Variants in NOX4 observed in about 807,000 individuals in gnomAD.
NOX4 encodes kidney oxidase-1.
NOX4 carries 69 observed loss-of-function variants against 87.6 expected under a neutral mutation model. The ratio of observed to expected loss-of-function variants is 0.79; its 90% confidence interval spans 0.65 to 0.96. The LOEUF (loss-of-function observed/expected upper bound fraction) is 0.96, where lower values mean the gene tolerates loss of function less well. NOX4 is among the 40% of genes least tolerant of loss of function. NOX4 has a pLI of 0.00. For synonymous variants in NOX4, 275 were observed against 238.2 expected (o/e 1.15, Z -1.42); for missense variants, 680 against 681.5 (o/e 1.00, Z 0.02).
At chr11:89,352,250 C>CA (rs898041784) in intron 13 of NOX4, among the ~76,000 whole-genome samples, 1 of 152,136 alleles carries the variant, frequency 6.6e-6, no homozygotes, top group African/African-American at 2.4e-5. Context: ...ATACGTACCA[C>CA]AAAAATTTAT....
At chr11:89,579,364 G>A in the NOX4 span, among the ~76,000 whole-genome samples, 2 of 152,106 alleles carry the variant, frequency 1.3e-5, no homozygotes, top group Non-Finnish European at 2.9e-5. Flanking sequence ...TACCACTCTG[G>A]TGGGGGATGT....
At chr11:89,340,231 C>T (rs1182275110) in intron 14 of NOX4, 60 bp from the exon 15 acceptor site, 12 of 1,121,898 alleles carry the variant, frequency 1.1e-5, no homozygotes, top group South Asian at 2.7e-5. Context: ...TTAAAGAATT[C>T]GTATATTTTT....
chr11:89,393,961 A>T (rs1259637091), intron 11 of NOX4, among the ~76,000 whole-genome samples: 1 of 152,086 alleles, frequency 6.6e-6, no homozygotes, highest in Non-Finnish European at 1.5e-5. Flanking sequence ...CTGTACCTAC[A>T]TTCACTTCTC....
At chr11:89,418,365 G>T (rs1468739749) in intron 8 of NOX4, among the ~76,000 whole-genome samples, 1 of 150,638 alleles carries the variant, frequency 6.6e-6, no homozygotes, top group African/African-American at 2.4e-5. Flanking sequence ...CTACTTACTA[G>T]CCATGGCCCT....
intron 6 of NOX4, among the ~76,000 whole-genome samples, chr11:89,433,437 G>T (rs577257124): frequency 3.9e-5 from 6 of 151,934 alleles, no homozygotes; most frequent in African/African-American, 1.5e-4. Flanking sequence ...ACAGGACAGG[G>T]TTAACTTTCA....
At chr11:89,399,201 A>T (rs1295405145) in intron 11 of NOX4, among the ~76,000 whole-genome samples, 8 of 151,118 alleles carry the variant, frequency 5.3e-5, no homozygotes, top group Non-Finnish European at 8.8e-5. Flanking sequence ...ATGCCCTCCC[A>T]TGCCATTATT....
intron 11 of NOX4, among the ~76,000 whole-genome samples, chr11:89,386,872 T>TG (rs1031172714): frequency 3.9e-5 from 6 of 152,166 alleles, no homozygotes; most frequent in African/African-American, 1.4e-4. Flanking sequence ...CTTTAATACT[T>TG]GTTTTTCTCC....
intron 13 of NOX4, among the ~76,000 whole-genome samples, chr11:89,353,309 C>T (rs1230415288): frequency 6.6e-6 from 1 of 152,084 alleles, no homozygotes; most frequent in Non-Finnish European, 1.5e-5. Flanking sequence ...ATGCAGCAAA[C>T]TTCATGGTTT....
intron 2 of NOX4, among the ~76,000 whole-genome samples, chr11:89,453,541 A>T (rs1945058234): frequency 6.6e-6 from 1 of 152,246 alleles, no homozygotes; most frequent in South Asian, 2.1e-4. Flanking sequence ...ATACTAAAAC[A>T]AATGAAGAAC....
At chr11:89,567,595 G>T in the NOX4 span, among the ~76,000 whole-genome samples, 4 of 152,200 alleles carry the variant, frequency 2.6e-5, no homozygotes, top group African/African-American at 9.7e-5. Flanking sequence ...GAGAGAATGA[G>T]TGCAGAGGGA....
the NOX4 span, among the ~76,000 whole-genome samples, chr11:89,573,313 G>T: frequency 2.6e-5 from 4 of 152,182 alleles, no homozygotes; most frequent in African/African-American, 9.6e-5. Context: ...TGAGGCAGCA[G>T]ATCACAAGCT....
At chr11:89,475,403 T>C (rs537547569) in intron 2 of NOX4, among the ~76,000 whole-genome samples, 3 of 152,200 alleles carry the variant, frequency 2.0e-5, no homozygotes, top group African/African-American at 7.2e-5. Flanking sequence ...TCTTCAAATA[T>C]TGATAATATT....
chr11:89,459,768 C>T (rs1173508482), intron 2 of NOX4, among the ~76,000 whole-genome samples: 1 of 152,104 alleles, frequency 6.6e-6, no homozygotes, highest in East Asian at 1.9e-4. Flanking sequence ...CCATCCCCAT[C>T]AAGTTACCAA....
chr11:89,477,998 A>C (rs1946237909), intron 2 of NOX4, among the ~76,000 whole-genome samples: 1 of 152,222 alleles, frequency 6.6e-6, no homozygotes, highest in South Asian at 2.1e-4. Flanking sequence ...ATCATTAACA[A>C]ATGTTTATAA....
At chr11:89,387,337 C>A (rs1396070765) in intron 11 of NOX4, among the ~76,000 whole-genome samples, 1 of 151,902 alleles carries the variant, frequency 6.6e-6, no homozygotes, top group South Asian at 2.1e-4. Flanking sequence ...CTCAGAAGCT[C>A]CCCCACTGAG....
At chr11:89,400,868 A>T (rs1360932877) in intron 9 of NOX4, among the ~76,000 whole-genome samples, 1 of 151,304 alleles carries the variant, frequency 6.6e-6, no homozygotes, top group African/African-American at 2.4e-5. Flanking sequence ...TATATGTTAA[A>T]TATGTATAGC....
intron 17 of NOX4, among the ~76,000 whole-genome samples, chr11:89,331,593 A>G (rs1945473105): frequency 6.6e-6 from 1 of 151,880 alleles, no homozygotes; most frequent in Admixed American, 6.6e-5. Flanking sequence ...CTTTCTGTCA[A>G]CGCCATATGA....
chr11:89,546,860 A>G, the NOX4 span, among the ~76,000 whole-genome samples: 1 of 152,186 alleles, frequency 6.6e-6, no homozygotes, highest in African/African-American at 2.4e-5. Context: ...TCATGAACTA[A>G]TCACCTATTC....
At chr11:89,513,752 A>G in the NOX4 span, among the ~76,000 whole-genome samples, 1 of 152,074 alleles carries the variant, frequency 6.6e-6, no homozygotes, top group African/African-American at 2.4e-5. Flanking sequence ...TTATTTTTAT[A>G]GAGGAGAATA....
Sources: gnomAD v4.1 joint callset for allele counts (sites outside exome capture counted in the v4.1 genomes callset) on GRCh38, gnomAD v4.1.1 for gene constraint, MANE v1.5 for transcripts, NCBI Gene and HGNC (gene_info 2026-07-23, HGNC 2026-07-21) for gene names.